OR13G1: variants seen among roughly 807,000 people sequenced by gnomAD.
The protein encoded by OR13G1 is olfactory receptor 13G1.
For missense variants in OR13G1, 369 were observed against 385.7 expected (o/e 0.96, Z 0.36); for synonymous variants, 128 against 136.2 (o/e 0.94, Z 0.42).
intron 1 of OR13G1, among the ~76,000 whole-genome samples, chr1:247,675,481 C>G (rs1423444964): frequency 6.6e-6 from 1 of 152,108 alleles, no homozygotes; most frequent in African/African-American, 2.4e-5. Context: ...GCAAGGGAAC[C>G]TGAGGATTCT....
rs1659211909 is a variant in OR13G1, at chr1:247,671,926, G to A, written c.*192C>T. 3.5e-6 allele frequency: 2 copies of A among 569,192 alleles called. No homozygotes were observed. Among genetic ancestry groups the A allele is most frequent in the Admixed American group, 3.3e-5 (1 of 30,198 alleles). 35.3% of individuals were successfully genotyped at this position (569,192 alleles called of 1,614,324 possible). ...TGACATATATTTATGTGAGGGTATT[G>A]TGCATATTGCTTTATGAATATTCTT... On this transcript the variant is annotated 3_prime_UTR_variant, in exon 2 of 2. Coordinates refer to ENST00000642119, the MANE Select transcript of OR13G1 (RefSeq NM_001005487.2).
At chr1:247,676,989 G>A (rs1188377493) in intron 1 of OR13G1, among the ~76,000 whole-genome samples, 1 of 152,166 alleles carries the variant, frequency 6.6e-6, no homozygotes, top group African/African-American at 2.4e-5. Flanking sequence ...CCTGGTGTGT[G>A]GTTCACACCT....
intron 1 of OR13G1, among the ~76,000 whole-genome samples, chr1:247,676,380 G>A (rs969357753): frequency 3.9e-5 from 6 of 152,004 alleles, no homozygotes; most frequent in African/African-American, 1.4e-4. Context: ...TTCCAGAAAT[G>A]TATTTGAAAA....
chr1:247,678,250 C>T (rs1297984684), intron 1 of OR13G1, among the ~76,000 whole-genome samples: 3 of 152,216 alleles, frequency 2.0e-5, no homozygotes, highest in South Asian at 2.1e-4. Context: ...AAAATTCACT[C>T]ATGTTGCATT....
chr1:247,677,497 A>T (rs527575107), intron 1 of OR13G1, among the ~76,000 whole-genome samples: 1 of 152,264 alleles, frequency 6.6e-6, no homozygotes, highest in East Asian at 1.9e-4. Flanking sequence ...TTTGTAGAAC[A>T]TTATCAATTT....
In OR13G1 at chr1:247,672,186, C is replaced by G. The variant is rs776090076; in HGVS notation, c.856G>C (p.Val286Leu). The part of the protein sequence containing the change: ...TLVTPTLNPM[V>L]YSFQNREMQA... ...ATCTCCCTATTCTGGAAGCTGTACA[C>G]CATCGGGTTTAATGTGGGAGTCACA... Residue 286 changes from valine (V) to leucine (L), a missense_variant, in exon 2 of 2, where the codon GTG (valine) becomes CTG (leucine). By Grantham distance (32) the Val-to-Leu change is conservative. Coordinates refer to ENST00000642119, the MANE Select transcript of OR13G1 (RefSeq NM_001005487.2). The G allele has an allele frequency of 6.2e-7, 1 of 1,613,958 alleles. No homozygotes were observed. The highest frequency in any genetic ancestry group is 8.5e-7 in the Non-Finnish European group (1 of 1,179,998).
intron 1 of OR13G1, among the ~76,000 whole-genome samples, chr1:247,678,276 A>G (rs1659391807): frequency 6.6e-6 from 1 of 152,218 alleles, no homozygotes; most frequent in Admixed American, 6.5e-5. Context: ...AGCCAATGTT[A>G]TACCTATGTC....
intron 1 of OR13G1, among the ~76,000 whole-genome samples, chr1:247,679,312 A>G (rs1026073002): frequency 6.6e-6 from 1 of 152,216 alleles, no homozygotes; most frequent in African/African-American, 2.4e-5. Context: ...TTGGTAAAGT[A>G]TGTTAACCTA....
At chr1:247,673,736 T>C (rs1021566164) in intron 1 of OR13G1, among the ~76,000 whole-genome samples, 1 of 152,176 alleles carries the variant, frequency 6.6e-6, no homozygotes, top group Non-Finnish European at 1.5e-5. Context: ...CTATTTGTTT[T>C]GCTGTTATAT....
At chr1:247,675,630 G>T (rs1659329616) in intron 1 of OR13G1, among the ~76,000 whole-genome samples, 1 of 152,160 alleles carries the variant, frequency 6.6e-6, no homozygotes, top group Non-Finnish European at 1.5e-5. Context: ...GAATGACACT[G>T]TGACACAGTT....
rs1288487383 is a variant in OR13G1, at chr1:247,671,736, T to A, written c.*382A>T. On this transcript the variant is annotated 3_prime_UTR_variant, in exon 2 of 2. Coordinates refer to ENST00000642119, the MANE Select transcript of OR13G1 (RefSeq NM_001005487.2). ...ATCACACACACTACTTCTCTCCAGC[T>A]CACATTCACATACCAACAAATAAAT... 1 of 195,814 alleles carries A rather than the reference T, an allele frequency of 5.1e-6. No homozygotes were observed. The highest frequency in any genetic ancestry group is 2.4e-5 in the African/African-American group (1 of 42,432). The allele number at this position is 195,814 out of a possible 1,614,324, so 12.1% of individuals were successfully genotyped here. A position where few individuals can be genotyped will look rare whatever the true frequency, so the allele number is the denominator to read the frequency against.
intron 1 of OR13G1, among the ~76,000 whole-genome samples, chr1:247,676,682 C>A (rs1151635): frequency 0.39 from 58,922 of 151,944 alleles, 12,352 homozygotes; most frequent in East Asian, 0.59. Context: ...AGTAACATAG[C>A]ACACTTAATT....
At chr1:247,674,715 G>A (rs1558293525) in intron 1 of OR13G1, among the ~76,000 whole-genome samples, 1 of 152,064 alleles carries the variant, frequency 6.6e-6, no homozygotes, top group African/African-American at 2.4e-5. Context: ...TTATCTTTAT[G>A]TAGTTGATAA....
intron 1 of OR13G1, among the ~76,000 whole-genome samples, chr1:247,676,550 C>T (rs114176681): frequency 0.01 from 1,573 of 152,024 alleles, 21 homozygotes; most frequent in African/African-American, 0.035. Context: ...TAGATTATGA[C>T]GATGTAGAAA....
Position 247,673,188 on chromosome 1 carries a change from C to T in OR13G1, c.-147G>A, listed in dbSNP as rs1659246611. ...GGACACAACTTTGCAGCAGGAATTC[C>T]CATTTGATGGAGTTCTGTATTCCAG... On this transcript the variant is annotated 5_prime_UTR_variant, in exon 2 of 2. Coordinates refer to ENST00000642119, the MANE Select transcript of OR13G1 (RefSeq NM_001005487.2). The T allele has an allele frequency of 1.6e-6, 1 of 631,988 alleles. No individual in the cohort carries two copies. The highest frequency in any genetic ancestry group is 1.8e-5 in the African/African-American group (1 of 54,458). 39.1% of individuals were successfully genotyped at this position (631,988 alleles called of 1,614,324 possible). A position where few individuals can be genotyped will look rare whatever the true frequency, so the allele number is the denominator to read the frequency against.
In OR13G1 at chr1:247,671,228, G is replaced by T. The variant is rs1659194731; in HGVS notation, c.*890C>A. ...ATAATATAGCTATAGCCAATGAGAT[G>T]TAGCTTATACTTACTGGGTTATCCT... On this transcript the variant is annotated 3_prime_UTR_variant, in exon 2 of 2. Coordinates refer to ENST00000642119, the MANE Select transcript of OR13G1 (RefSeq NM_001005487.2). 1 of 152,098 alleles carries T rather than the reference G, an allele frequency of 6.6e-6. No individual in the cohort carries two copies. The highest frequency in any genetic ancestry group is 1.5e-5 in the Non-Finnish European group (1 of 67,998). The allele number at this position is 152,098 out of a possible 1,614,324, so 9.4% of individuals were successfully genotyped here. A position where few individuals can be genotyped will look rare whatever the true frequency, so the allele number is the denominator to read the frequency against.
chr1:247,671,959 A>G lies in OR13G1; in HGVS notation c.*159T>C. 1.7e-6 allele frequency: 1 copy of G among 597,350 alleles called. No individual in the cohort carries two copies. Among genetic ancestry groups the G allele is most frequent in the East Asian group, 2.8e-5 (1 of 36,246 alleles). The allele number at this position is 597,350 out of a possible 1,614,324, so 37.0% of individuals were successfully genotyped here. Reference sequence around the variant, plus strand: ...TGCTTTATGAATATTCTTCACATAAAGAGTACAGAATTTTGGAGACAATGA... The same window carrying G: ...TGCTTTATGAATATTCTTCACATAAGGAGTACAGAATTTTGGAGACAATGA... On this transcript the variant is annotated 3_prime_UTR_variant, in exon 2 of 2. Coordinates refer to ENST00000642119, the MANE Select transcript of OR13G1 (RefSeq NM_001005487.2).
In OR13G1 at chr1:247,672,928, G is replaced by T. The variant is rs147413805; in HGVS notation, c.114C>A (p.Gly38=). The T allele has an allele frequency of 1.2e-6, 2 of 1,613,944 alleles. No homozygotes were observed. The highest frequency in any genetic ancestry group is 2.7e-5 in the African/African-American group (2 of 74,924). The change falls in exon 2 of 2, where the codon GGC becomes GGA. Residue 38 remains glycine, a synonymous_variant. Coordinates refer to ENST00000642119, the MANE Select transcript of OR13G1 (RefSeq NM_001005487.2). ...TTTTGGCAATGATGATGAGCATGTTGCCGAGAAAAGCCACAAGATAGACAA... is the reference window on the plus strand; with the variant it reads ...TTTTGGCAATGATGATGAGCATGTTTCCGAGAAAAGCCACAAGATAGACAA... ...FLIVYLVAFL[G]NMLIIIAKIY... is the part of the protein sequence containing the mutation.
chr1:247,677,935 T>A (rs1659382706), intron 1 of OR13G1, among the ~76,000 whole-genome samples: 1 of 152,018 alleles, frequency 6.6e-6, no homozygotes, highest in South Asian at 2.1e-4. Context: ...AGAAACCCCA[T>A]CTCTAATAAA....
Sources: gnomAD v4.1 joint callset for allele counts (sites outside exome capture counted in the v4.1 genomes callset) on GRCh38, gnomAD v4.1.1 for gene constraint, MANE v1.5 for transcripts, NCBI Gene and HGNC (gene_info 2026-07-23, HGNC 2026-07-21) for gene names.